The following CLVS1 variants were observed in gnomAD, a reference collection of about 807,000 sequenced individuals.
The protein encoded by CLVS1 is clavesin-1.
In CLVS1, 10 loss-of-function variants were observed where a neutral mutation model predicts 33.1. The ratio of observed to expected loss-of-function variants is 0.30; its 90% CI spans 0.19 to 0.51. The LOEUF (loss-of-function observed/expected upper bound fraction) is 0.51, where lower values mean the gene tolerates loss of function less well. Among genes scored for constraint, CLVS1 ranks in the 20% least tolerant of loss-of-function variants. The pLI is 0.97. For synonymous variants in CLVS1, 163 were observed against 166.1 expected, an observed-to-expected ratio of 0.98 and a Z score of 0.14; for missense variants, 343 against 433.4, an observed-to-expected ratio of 0.79 and a Z score of 1.85.
At chr8:61,431,097 T>C (rs1816095219) in intron 3 of CLVS1, among the ~76,000 whole-genome samples, 1 of 152,218 alleles carries the variant, frequency 6.6e-6, no homozygotes, top group Non-Finnish European at 1.5e-5. Flanking sequence ...CACATCACCA[T>C]CTCAATTCTG....
intron 2 of CLVS1, among the ~76,000 whole-genome samples, chr8:61,252,836 T>C (rs1023502234): frequency 6.6e-6 from 1 of 152,246 alleles, no homozygotes; most frequent in African/African-American, 2.4e-5. Flanking sequence ...ATGGGTCTCC[T>C]GAATACAGCA....
At chr8:61,035,187 C>T in the CLVS1 span, among the ~76,000 whole-genome samples, 52 of 129,366 alleles carry the variant, frequency 4.0e-4, no homozygotes, top group South Asian at 9.8e-4. Flanking sequence ...TTTCTTTTTT[C>T]TTTTTTTTTT....
At chr8:61,192,888 G>A (rs976341299) in intron 2 of CLVS1, among the ~76,000 whole-genome samples, 58 of 152,166 alleles carry the variant, frequency 3.8e-4, no homozygotes, top group Admixed American at 1.6e-3. Context: ...TGGAGAGGAC[G>A]TGGAGAAATA....
At chr8:61,092,402 G>C (rs996978981) in intron 1 of CLVS1, among the ~76,000 whole-genome samples, 1 of 152,130 alleles carries the variant, frequency 6.6e-6, no homozygotes, top group African/African-American at 2.4e-5. Flanking sequence ...GAGGTGGAGC[G>C]TTCATCATCT....
chr8:61,203,715 T>A (rs1807786048), intron 2 of CLVS1, among the ~76,000 whole-genome samples: 1 of 152,214 alleles, frequency 6.6e-6, no homozygotes, highest in African/African-American at 2.4e-5. Context: ...TTGGAGCTTG[T>A]CCCACTCAAC....
chr8:61,022,643 G>T, the CLVS1 span, among the ~76,000 whole-genome samples: 8 of 152,294 alleles, frequency 5.3e-5, no homozygotes, highest in Admixed American at 3.3e-4. Flanking sequence ...TTCCAGGAAA[G>T]CTGTCATTTA....
chr8:61,176,469 G>A (rs1163149503), intron 2 of CLVS1, among the ~76,000 whole-genome samples: 1 of 152,030 alleles, frequency 6.6e-6, no homozygotes, highest in Non-Finnish European at 1.5e-5. Flanking sequence ...TTAATAAGTA[G>A]GTATTAAAAG....
At chr8:61,243,777 A>T (rs1351166287) in intron 2 of CLVS1, among the ~76,000 whole-genome samples, 1 of 152,150 alleles carries the variant, frequency 6.6e-6, no homozygotes, top group African/African-American at 2.4e-5. Flanking sequence ...TAAGAAACCA[A>T]TTATTAGCTA....
chr8:61,396,928 A>G (rs1162290317), intron 3 of CLVS1, among the ~76,000 whole-genome samples: 1 of 151,966 alleles, frequency 6.6e-6, no homozygotes, highest in Admixed American at 6.6e-5. Flanking sequence ...TTTTTTATTC[A>G]TTTGTCAGTT....
intron 1 of CLVS1, chr8:61,288,376 C>T: frequency 2.4e-6 from 1 of 419,002 alleles, no homozygotes; most frequent in South Asian, 1.7e-5. Context: ...CCCCCATCTC[C>T]ACCATCACCG....
intron 3 of CLVS1, among the ~76,000 whole-genome samples, chr8:61,439,119 C>G (rs147077963): frequency 6.6e-6 from 1 of 152,304 alleles, no homozygotes; most frequent in African/African-American, 2.4e-5. Flanking sequence ...CCAAGAGACA[C>G]CATGATCTTA....
chr8:61,127,033 G>T (rs1489742424), intron 1 of CLVS1, among the ~76,000 whole-genome samples: 2 of 152,122 alleles, frequency 1.3e-5, no homozygotes, highest in Non-Finnish European at 2.9e-5. Flanking sequence ...CTTGGAAGGG[G>T]CACAGTGACT....
rs1181344113 is a variant in CLVS1, at chr8:61,501,142, C to T, written c.*1600C>T. The T allele has an allele frequency of 1.3e-5, 2 of 151,922 alleles. No homozygotes were observed. The highest frequency in any genetic ancestry group is 6.6e-5 in the Admixed American group (1 of 15,256). 9.4% of individuals were successfully genotyped at this position (151,922 alleles called of 1,614,324 possible). On this transcript the variant is annotated 3_prime_UTR_variant, in exon 6 of 6. Coordinates refer to ENST00000325897, the MANE Select transcript of CLVS1 (RefSeq NM_173519.3). Reference sequence around the variant, plus strand: ...ACATACGAAATCACAAAAATAATAACACTGAAATAATTCTACCAATGCAGT... The same window carrying T: ...ACATACGAAATCACAAAAATAATAATACTGAAATAATTCTACCAATGCAGT...
At chr8:61,034,204 A>G in the CLVS1 span, among the ~76,000 whole-genome samples, 2 of 152,140 alleles carry the variant, frequency 1.3e-5, no homozygotes, top group Admixed American at 1.3e-4. Flanking sequence ...ACCAACTAAC[A>G]GGTTAAGAAG....
chr8:61,376,238 G>T (rs1049507561), intron 2 of CLVS1, among the ~76,000 whole-genome samples: 2 of 152,148 alleles, frequency 1.3e-5, no homozygotes, highest in Admixed American at 6.5e-5. Context: ...TGATTATGGC[G>T]CAATCCCTAC....
intron 2 of CLVS1, among the ~76,000 whole-genome samples, chr8:61,310,174 A>G (rs1297459488): frequency 6.6e-6 from 1 of 152,180 alleles, no homozygotes; most frequent in Non-Finnish European, 1.5e-5. Flanking sequence ...CATTTCCTGA[A>G]TCTTTCTGGT....
At chr8:60,999,867 GA>G in the CLVS1 span, among the ~76,000 whole-genome samples, 1 of 151,904 alleles carries the variant, frequency 6.6e-6, no homozygotes, top group South Asian at 2.1e-4. Flanking sequence ...GGTACAGGGA[GA>G]AAGGTTCACA....
the CLVS1 span, among the ~76,000 whole-genome samples, chr8:61,021,445 G>A: frequency 5.9e-5 from 9 of 152,154 alleles, no homozygotes; most frequent in African/African-American, 2.2e-4. Context: ...CCACCTCCCG[G>A]GTTCAAGCGA....
At chr8:61,426,570 T>C (rs939932142) in intron 3 of CLVS1, among the ~76,000 whole-genome samples, 1 of 152,196 alleles carries the variant, frequency 6.6e-6, no homozygotes, top group African/African-American at 2.4e-5. Context: ...ACCCCCATTT[T>C]CTGACAGTAT....
Sources: allele counts gnomAD v4.1 joint callset (sites outside exome capture counted in the v4.1 genomes callset), GRCh38; gene constraint gnomAD v4.1.1; transcripts MANE v1.5; gene names NCBI Gene and HGNC (gene_info 2026-07-23, HGNC 2026-07-21).